SIPA1L1: variants seen among roughly 807,000 people sequenced by gnomAD.
SIPA1L1 encodes signal induced proliferation associated 1 like 1, also known as signal-induced proliferation-associated 1-like protein 1.
SIPA1L1 carries 26 observed loss-of-function variants against 162.7 expected under a neutral mutation model. That is an observed-to-expected ratio of 0.16 (90% CI 0.12 to 0.22). The LOEUF (loss-of-function observed/expected upper bound fraction) is 0.22. Among genes scored for constraint, SIPA1L1 ranks in the 10% least tolerant of loss-of-function variants. SIPA1L1 has a pLI of 1.00. For missense variants in SIPA1L1, 1,874 were observed against 2,241.0 expected, an observed-to-expected ratio of 0.84 and a Z score of 3.31; for synonymous variants, 829 against 837.4, an observed-to-expected ratio of 0.99 and a Z score of 0.17.
chr14:71,639,273 G>A (rs1299799725), intron 7 of SIPA1L1, among the ~76,000 whole-genome samples: 2 of 152,130 alleles, frequency 1.3e-5, no homozygotes, highest in African/African-American at 4.8e-5. Context: ...AACCAGGCAT[G>A]GTGGTGTGCA....
intron 2 of SIPA1L1, among the ~76,000 whole-genome samples, chr14:71,470,245 G>C (rs1461724440): frequency 2.6e-5 from 4 of 152,162 alleles, no homozygotes; most frequent in Admixed American, 2.0e-4. Context: ...TTCTCTCTCT[G>C]TACTAGAAAT....
At chr14:71,439,759 T>C (rs2044688047) in intron 2 of SIPA1L1, among the ~76,000 whole-genome samples, 1 of 152,246 alleles carries the variant, frequency 6.6e-6, no homozygotes, top group Non-Finnish European at 1.5e-5. Flanking sequence ...ACGTTTTCTT[T>C]TGATTTAAAA....
chr14:71,637,466 A>G (rs1268498735), intron 7 of SIPA1L1, among the ~76,000 whole-genome samples: 3 of 152,146 alleles, frequency 2.0e-5, no homozygotes, highest in South Asian at 2.1e-4. Context: ...GCGCAGTGAC[A>G]CACCTATAAT....
intron 17 of SIPA1L1, among the ~76,000 whole-genome samples, chr14:71,716,665 G>A (rs1445465779): frequency 6.6e-6 from 1 of 152,124 alleles, no homozygotes; most frequent in African/African-American, 2.4e-5. Context: ...AATCCTGTGT[G>A]GCTCATCGCT....
intron 8 of SIPA1L1, among the ~76,000 whole-genome samples, chr14:71,651,553 T>G (rs1481198246): frequency 6.6e-6 from 1 of 152,224 alleles, no homozygotes; most frequent in Non-Finnish European, 1.5e-5. Flanking sequence ...TGCATAAAGA[T>G]GTTAAATTTC....
At chr14:71,374,071 G>C (rs557649644) in intron 2 of SIPA1L1, among the ~76,000 whole-genome samples, 1 of 152,158 alleles carries the variant, frequency 6.6e-6, no homozygotes, top group Non-Finnish European at 1.5e-5. Context: ...AAAGTACTTC[G>C]TGTTACTGCA....
intron 8 of SIPA1L1, among the ~76,000 whole-genome samples, chr14:71,653,761 A>T (rs557705228): frequency 3.2e-4 from 49 of 152,330 alleles, no homozygotes; most frequent in African/African-American, 1.1e-3. Context: ...GAAGTCCCAG[A>T]TACTTTTGAT....
rs1248242908 is a variant in SIPA1L1, at chr14:71,730,316, A to T, written c.4861+15A>T. The T allele has an allele frequency of 4.3e-6, 7 of 1,612,960 alleles. No homozygotes were observed. The African/African-American group carries it at 8.0e-5, about 18-fold the overall frequency. On this transcript the variant is annotated intron_variant, in intron 20 of 23. Coordinates refer to ENST00000381232, the MANE Select transcript of SIPA1L1 (RefSeq NM_001386936.1). ...ATCGCTGCATGGTAAGTGGTCTTTC[A>T]GCTGCAGCCTGGATGGCCCTGTTGA...
chr14:71,339,072 A>G (rs764799331), intron 2 of SIPA1L1, among the ~76,000 whole-genome samples: 11 of 152,156 alleles, frequency 7.2e-5, no homozygotes, highest in Non-Finnish European at 1.3e-4. Context: ...TGCCTGTATT[A>G]TATGGCAATA....
intron 5 of SIPA1L1, among the ~76,000 whole-genome samples, chr14:71,611,383 T>A (rs2038187648): frequency 6.6e-6 from 1 of 152,302 alleles, no homozygotes; most frequent in East Asian, 1.9e-4. Context: ...CTAGTTGTTA[T>A]TTTAATTTAA....
intron 5 of SIPA1L1, among the ~76,000 whole-genome samples, chr14:71,602,060 T>C (rs2036835679): frequency 6.6e-6 from 1 of 152,124 alleles, no homozygotes. Flanking sequence ...AGTCTCTATT[T>C]TGTTTAATTC....
rs750941870 is a variant in SIPA1L1 at position 71,705,353 on chromosome 14, TA to T, written c.3765+16del. 4 of 1,577,696 alleles carry T rather than the reference TA, an allele frequency of 2.5e-6. No individual in the cohort carries two copies. The highest frequency in any genetic ancestry group is 3.5e-6 in the Non-Finnish European group (4 of 1,146,914). On this transcript the variant is annotated intron_variant, in intron 16 of 23. Coordinates refer to ENST00000381232, the MANE Select transcript of SIPA1L1 (RefSeq NM_001386936.1). ...CAAACAAGGGCATGTAAGTTAACTG[TA>T]AACTTAAAAAAGTATTAGATTCCTA...
At chr14:71,400,920 T>C (rs2041622042) in intron 2 of SIPA1L1, 1 of 152,222 alleles carries the variant, frequency 6.6e-6, no homozygotes, top group Non-Finnish European at 1.5e-5. Context: ...GATTACGCAG[T>C]GAGTAGTAGA....
chr14:71,558,234 C>T (rs1176182280), intron 4 of SIPA1L1, among the ~76,000 whole-genome samples: 2 of 152,024 alleles, frequency 1.3e-5, no homozygotes, highest in Admixed American at 6.6e-5. Flanking sequence ...TATCAGGGCA[C>T]GGACTTAAAA....
At chr14:71,447,061 A>G (rs1595508275) in intron 2 of SIPA1L1, among the ~76,000 whole-genome samples, 1 of 150,384 alleles carries the variant, frequency 6.6e-6, no homozygotes, top group Admixed American at 6.6e-5. Context: ...ACAGGCATGC[A>G]CCACCATGCT....
At chr14:71,445,771 AAAGT>A (rs1470769608) in intron 2 of SIPA1L1, among the ~76,000 whole-genome samples, 2 of 152,346 alleles carry the variant, frequency 1.3e-5, no homozygotes, top group East Asian at 1.9e-4. Flanking sequence ...TAGTTGTACC[AAAGT>A]AAGTAATTTA....
At chr14:71,479,332 T>TGTAGGTAG (rs1423105818) in intron 2 of SIPA1L1, among the ~76,000 whole-genome samples, 1 of 135,612 alleles carries the variant, frequency 7.4e-6, no homozygotes, top group Non-Finnish European at 1.6e-5. Context: ...TGTGTGTGTA[T>TGTAGGTAG]GTAGGTATGT....
At chr14:71,323,572 C>G (rs1012222604) in intron 2 of SIPA1L1, among the ~76,000 whole-genome samples, 1 of 152,128 alleles carries the variant, frequency 6.6e-6, no homozygotes, top group Non-Finnish European at 1.5e-5. Flanking sequence ...TAGATTTTCT[C>G]TATGGAAGAC....
chr14:71,591,507 C>T (rs2035391425), intron 5 of SIPA1L1, among the ~76,000 whole-genome samples: 1 of 152,114 alleles, frequency 6.6e-6, no homozygotes. Context: ...TTCATAATAA[C>T]CTCATAAATC....
Sources: allele counts gnomAD v4.1 joint callset (sites outside exome capture counted in the v4.1 genomes callset), GRCh38; gene constraint gnomAD v4.1.1; transcripts MANE v1.5; gene names NCBI Gene and HGNC (gene_info 2026-07-23, HGNC 2026-07-21).